Variants in TTC34 observed in about 807,000 individuals in gnomAD.
The protein encoded by TTC34 is tetratricopeptide repeat domain 34, also known as tetratricopeptide repeat protein 34.
TTC34 carries 44 observed loss-of-function variants against 40.7 expected under a neutral mutation model. That is an observed-to-expected ratio of 1.08 (90% CI 0.85 to 1.39). TTC34 has a LOEUF of 1.39. TTC34 is among the 40% of genes most tolerant of loss of function. The pLI is 0.00. For synonymous variants in TTC34, 422 were observed against 398.6 expected (o/e 1.06, Z -0.70); for missense variants, 884 against 838.0 (o/e 1.05, Z -0.68).
At chr1:2,781,324 T>C (rs1283562858) in intron 6 of TTC34, among the ~76,000 whole-genome samples, 1 of 152,234 alleles carries the variant, frequency 6.6e-6, no homozygotes, top group African/African-American at 2.4e-5. Context: ...CTTAATTCCC[T>C]TTTTAGATTG....
chr1:2,759,877 G>A (rs1641637083), intron 6 of TTC34, among the ~76,000 whole-genome samples: 1 of 41,392 alleles, frequency 2.4e-5, no homozygotes, highest in East Asian at 7.4e-4. Context: ...GTAGTATCCT[G>A]CACCCTCAGG....
At chr1:2,785,821 G>C in exon 5 of TTC34, 1 of 1,543,608 alleles carries the variant, frequency 6.5e-7, no homozygotes, top group Non-Finnish European at 8.7e-7. Context: ...GCTCCTACCT[G>C]CGGCAAAGAT....
At chr1:2,685,068 G>A (rs1640264314) in intron 6 of TTC34, among the ~76,000 whole-genome samples, 1 of 139,910 alleles carries the variant, frequency 7.1e-6, no homozygotes, top group African/African-American at 2.9e-5. Context: ...GCCTGGAACA[G>A]CAGCCTGCAC....
chr1:2,776,188 T>TG (rs1475336908), intron 6 of TTC34: 2 of 122,238 alleles, frequency 1.6e-5, no homozygotes, highest in Admixed American at 7.8e-5. Context: ...TCTGATAGCC[T>TG]GGATAGGCAC....
At chr1:2,797,461 C>T (rs1469394444) in intron 2 of TTC34, among the ~76,000 whole-genome samples, 6 of 141,620 alleles carry the variant, frequency 4.2e-5, no homozygotes, top group Admixed American at 2.0e-4. Flanking sequence ...TGACCCTAAA[C>T]CCCCCTTTTT....
At chr1:2,686,767 A>C (rs1394851667) in intron 6 of TTC34, among the ~76,000 whole-genome samples, 2 of 139,710 alleles carry the variant, frequency 1.4e-5, no homozygotes, top group African/African-American at 5.6e-5. Context: ...CCACACCCCC[A>C]GGTGAGCATG....
chr1:2,652,778 C>A (rs1557585381), intron 6 of TTC34, among the ~76,000 whole-genome samples: 2 of 149,396 alleles, frequency 1.3e-5, no homozygotes, highest in African/African-American at 5.0e-5. Flanking sequence ...CCCAGGTGAG[C>A]ATCCGACAGC....
chr1:2,699,549 T>C (rs1410807387), intron 6 of TTC34, among the ~76,000 whole-genome samples: 13 of 112,360 alleles, frequency 1.2e-4, no homozygotes, highest in East Asian at 2.9e-4. Context: ...GGTGAGCATC[T>C]GACAGCCTGG....
At chr1:2,783,925 A>C (rs1226177056) in intron 5 of TTC34, 150 bp from the exon 6 acceptor site, 2 of 733,082 alleles carry the variant, frequency 2.7e-6, no homozygotes, top group African/African-American at 3.7e-5. Flanking sequence ...AGACAGACAG[A>C]GACAGGGTGG....
chr1:2,774,995 G>A (rs1642958396), intron 6 of TTC34: 1 of 123,848 alleles, frequency 8.1e-6, no homozygotes, highest in Non-Finnish European at 1.7e-5. Context: ...ACCCCCAGGT[G>A]AGCATCTGAC....
chr1:2,686,617 T>A (rs1385044628), intron 6 of TTC34, among the ~76,000 whole-genome samples: 13 of 150,762 alleles, frequency 8.6e-5, no homozygotes, highest in Non-Finnish European at 1.5e-4. Context: ...GGCGAGCATC[T>A]GACAGCATGT....
chr1:2,790,203 A>G (rs1276327391), exon 3 of TTC34: 5 of 398,290 alleles, frequency 1.3e-5, no homozygotes, highest in Non-Finnish European at 2.2e-5. Context: ...TCCTGGACAG[A>G]GAACACGGCC....
At chr1:2,751,685 C>G (rs1338266883) in intron 6 of TTC34, among the ~76,000 whole-genome samples, 1 of 138,600 alleles carries the variant, frequency 7.2e-6, no homozygotes, top group Non-Finnish European at 1.5e-5. Flanking sequence ...TCAGCACCCA[C>G]AACCCCAAGC....
intron 6 of TTC34, among the ~76,000 whole-genome samples, chr1:2,761,758 C>A (rs1325091245): frequency 2.1e-5 from 1 of 47,056 alleles, no homozygotes; most frequent in East Asian, 6.2e-4. Context: ...TAGCCTGGAA[C>A]AGAACCCCAG....
At chr1:2,795,096 A>T (rs557863196) in intron 2 of TTC34, among the ~76,000 whole-genome samples, 21 of 152,196 alleles carry the variant, frequency 1.4e-4, no homozygotes, top group Admixed American at 3.3e-4. Flanking sequence ...CAAAAAAAAA[A>T]AAAAATTAGC....
At chr1:2,797,125 GTCCTAGC>G (rs1643716154) in intron 2 of TTC34, among the ~76,000 whole-genome samples, 3 of 152,166 alleles carry the variant, frequency 2.0e-5, no homozygotes, top group Admixed American at 1.3e-4. Flanking sequence ...CAGGGGCCAG[GTCCTAGC>G]TGCCTGCACT....
chr1:2,753,368 A>AC (rs1641391798), intron 6 of TTC34, among the ~76,000 whole-genome samples: 1 of 129,932 alleles, frequency 7.7e-6, no homozygotes, highest in Non-Finnish European at 1.6e-5. Context: ...CTAGAACAGC[A>AC]CCCACACCCC....
intron 6 of TTC34, chr1:2,773,489 C>T (rs1239155821): frequency 1.5e-4 from 9 of 61,078 alleles, no homozygotes; most frequent in Admixed American, 3.3e-4. Flanking sequence ...CCTGGAGCAG[C>T]GCCCACACCC....
At chr1:2,683,349 C>A (rs1209725982) in intron 6 of TTC34, among the ~76,000 whole-genome samples, 3 of 139,488 alleles carry the variant, frequency 2.2e-5, no homozygotes, top group Non-Finnish European at 4.7e-5. Flanking sequence ...CACCACCCTG[C>A]ACCCCCAGGT....
Sources: gnomAD v4.1 joint callset for allele counts (sites outside exome capture counted in the v4.1 genomes callset) on GRCh38, gnomAD v4.1.1 for gene constraint, MANE v1.5 for transcripts, NCBI Gene and HGNC (gene_info 2026-07-23, HGNC 2026-07-21) for gene names.